The following PRDM16 variants were observed in gnomAD, a reference collection of about 807,000 sequenced individuals.
The protein encoded by PRDM16 is PR/SET domain 16, also known as histone-lysine N-methyltransferase PRDM16.
Under a neutral mutation model 110.6 loss-of-function variants are expected in PRDM16, and 23 were observed. The ratio of observed to expected loss-of-function variants is 0.21; its 90% CI spans 0.15 to 0.29. The LOEUF (loss-of-function observed/expected upper bound fraction) is 0.29. PRDM16 is among the 10% of genes least tolerant of loss of function. PRDM16 has a pLI of 1.00. For missense variants in PRDM16, 1,615 were observed against 1,794.3 expected (o/e 0.90, Z 1.81); for synonymous variants, 799 against 781.8 (o/e 1.02, Z -0.37).
rs1467018922 is a variant in PRDM16, at chr1:3,412,200, T to A, written c.2003T>A (p.Phe668Tyr). Residue 668 changes from phenylalanine (F) to tyrosine (Y), a missense_variant, in exon 9 of 17, where the codon TTC (phenylalanine) becomes TAC (tyrosine). Physicochemically the swap from Phe to Tyr is conservative, Grantham distance 22. This residue lies in a region of PRDM16 where 772 missense variants were observed against 748.3 expected (regional missense o/e 1.03). Coordinates refer to ENST00000270722, the MANE Select transcript of PRDM16 (RefSeq NM_022114.4). ...APNSVAEVPV[F>Y]YSQHSFFPPP... ...AACAGCGTGGCCGAGGTGCCTGTCT[T>A]CTATTCCCAGCACTCATTCTTCCCG... 1 of 1,601,528 alleles carries A rather than the reference T, an allele frequency of 6.2e-7. No homozygotes were observed. Among genetic ancestry groups the A allele is most frequent in the South Asian group, 1.1e-5 (1 of 90,550 alleles).
chr1:3,232,545 G>A (rs1286920532), intron 2 of PRDM16, among the ~76,000 whole-genome samples: 3 of 152,156 alleles, frequency 2.0e-5, no homozygotes, highest in Non-Finnish European at 4.4e-5. Flanking sequence ...GCAAGTTTGC[G>A]GAACTCAGAA....
chr1:3,107,929 A>G (rs1459045438), intron 1 of PRDM16, among the ~76,000 whole-genome samples: 1 of 152,196 alleles, frequency 6.6e-6, no homozygotes, highest in Non-Finnish European at 1.5e-5. Flanking sequence ...ATGCTGTGCA[A>G]CCCCTGCCGG....
At position 3,374,269 on chromosome 1, in the gene PRDM16, C is replaced by A. The variant is rs80318511; in HGVS notation, c.439-10883C>A. 3.3e-5 allele frequency among the ~76,000 whole-genome samples: 5 copies of A among 152,338 alleles called. No homozygotes were observed. In the East Asian group the frequency reaches 7.7e-4, roughly 24 times the overall value. On this transcript the variant is annotated intron_variant, in intron 3 of 16. Coordinates refer to ENST00000270722, the MANE Select transcript of PRDM16 (RefSeq NM_022114.4). ...TGCTCTGGGGTCCCCAGATCAAAGC[C>A]AGCAGAGCCAGGCAACGGCACCCAG...
intron 1 of PRDM16, among the ~76,000 whole-genome samples, chr1:3,166,251 C>T (rs1470328263): frequency 1.3e-5 from 2 of 152,246 alleles, no homozygotes; most frequent in African/African-American, 2.4e-5. Context: ...AAACAGCTCC[C>T]GAAGAGCTTT....
At chr1:3,172,055 T>C (rs1213067079) in intron 1 of PRDM16, among the ~76,000 whole-genome samples, 3 of 152,186 alleles carry the variant, frequency 2.0e-5, no homozygotes, top group Non-Finnish European at 4.4e-5. Flanking sequence ...GTCCTTATGC[T>C]GCTGTGGGCC....
chr1:3,139,097 T>C (rs777286842), intron 1 of PRDM16, among the ~76,000 whole-genome samples: 38 of 152,302 alleles, frequency 2.5e-4, no homozygotes, highest in Non-Finnish European at 4.6e-4. Context: ...CTCCATGACT[T>C]ACGCTTGTTG....
intron 4 of PRDM16, among the ~76,000 whole-genome samples, chr1:3,392,088 C>G (rs931279489): frequency 6.6e-6 from 1 of 152,322 alleles, no homozygotes; most frequent in African/African-American, 2.4e-5. Flanking sequence ...ATGCAGGGGA[C>G]GATCCTCAGC....
intron 1 of PRDM16, among the ~76,000 whole-genome samples, chr1:3,084,664 G>A (rs369571202): frequency 6.8e-4 from 104 of 152,274 alleles, no homozygotes; most frequent in African/African-American, 2.3e-3. Context: ...AATTTGAGTC[G>A]AGGCCACATC....
At chr1:3,207,913 A>T (rs561067430) in intron 2 of PRDM16, 1 of 152,428 alleles carries the variant, frequency 6.6e-6, no homozygotes, top group Admixed American at 6.5e-5. Context: ...CTGGGTCTTC[A>T]TAAAGCAGCT....
chr1:3,350,070 G>C lies in PRDM16; in HGVS notation c.439-35082G>C, dbSNP rs1316078557. ...GAAAAGACCTGGGGCCAGGTGCAGT[G>C]GCCCAAAATCCCAGCACCTTGGGAG... On this transcript the variant is annotated intron_variant, in intron 3 of 16. Transcript: ENST00000270722. The surrounding 1 kb of genome is among the most constrained non-coding windows in gnomAD (Gnocchi z 7.1). 6.6e-6 allele frequency among the ~76,000 whole-genome samples: 1 copy of C among 152,202 alleles called. No individual in the cohort carries two copies. Among genetic ancestry groups the C allele is most frequent in the Non-Finnish European group, 1.5e-5 (1 of 68,034 alleles).
At chr1:3,198,650 G>A (rs567458880) in intron 2 of PRDM16, among the ~76,000 whole-genome samples, 4 of 152,286 alleles carry the variant, frequency 2.6e-5, no homozygotes, top group African/African-American at 7.2e-5. Context: ...AGCAGCAGCC[G>A]CCCAGGAGCT....
intron 3 of PRDM16, among the ~76,000 whole-genome samples, chr1:3,282,162 G>C (rs1042299292): frequency 7.9e-5 from 12 of 152,210 alleles, no homozygotes; most frequent in African/African-American, 2.7e-4. Context: ...CCCTTCACAG[G>C]CCTGAGCAGT....
At chr1:3,186,919 C>T (rs1644275828) in intron 2 of PRDM16, among the ~76,000 whole-genome samples, 1 of 152,204 alleles carries the variant, frequency 6.6e-6, no homozygotes, top group Non-Finnish European at 1.5e-5. Flanking sequence ...TGCCGTCTTC[C>T]CCGCCTGCCC....
intron 1 of PRDM16, among the ~76,000 whole-genome samples, chr1:3,070,314 C>T (rs1243022592): frequency 2.7e-5 from 4 of 148,792 alleles, no homozygotes; most frequent in Non-Finnish European, 4.5e-5. Context: ...CACCCGCGCC[C>T]TCGCCCGCCA....
intron 3 of PRDM16, among the ~76,000 whole-genome samples, chr1:3,347,298 G>A (rs72632200): frequency 0.015 from 2,355 of 152,362 alleles, 29 homozygotes; most frequent in Non-Finnish European, 0.023. Flanking sequence ...CCCCATTCCA[G>A]AAGGAGAAAC....
chr1:3,136,122 A>AGGGGGTCTCG (rs1643433412), intron 1 of PRDM16, among the ~76,000 whole-genome samples: 1 of 152,000 alleles, frequency 6.6e-6, no homozygotes, highest in Admixed American at 6.5e-5. Context: ...CTGGGAAGAA[A>AGGGGGTCTCG]GGGGGTCTCG....
intron 3 of PRDM16, among the ~76,000 whole-genome samples, chr1:3,274,422 A>G (rs528487207): frequency 6.6e-6 from 1 of 152,338 alleles, no homozygotes; most frequent in East Asian, 1.9e-4. Context: ...GCTTGAATTA[A>G]ACCCTGAAGG....
rs9424293 is a variant in PRDM16 at position 3,359,258 on chromosome 1, C to T, written c.439-25894C>T. ...TCTCACTATGTTCCCCAGGCTTATA[C>T]ACATTTTTAAATGCAGACTTGTTGA... On this transcript the variant is annotated intron_variant, in intron 3 of 16. Transcript: ENST00000270722. The surrounding 1 kb of genome is among the most constrained non-coding windows in gnomAD (Gnocchi z 4.3). 0.2 allele frequency among the ~76,000 whole-genome samples: 30,911 copies of T among 152,112 alleles called. 3,786 individuals are homozygous for T. Among genetic ancestry groups the T allele is most frequent in the African/African-American group, 0.34 (14,202 of 41,456 alleles).
chr1:3,292,690 G>T (rs1322076959), intron 3 of PRDM16, among the ~76,000 whole-genome samples: 1 of 152,230 alleles, frequency 6.6e-6, no homozygotes, highest in Non-Finnish European at 1.5e-5. Context: ...TTCCTGTGGG[G>T]TGGAGGTTTG....
Sources: gnomAD v4.1 joint callset for allele counts (sites outside exome capture counted in the v4.1 genomes callset) on GRCh38, gnomAD v4.1.1 for gene constraint, gnomAD v4.1.1 regional missense constraint, Gnocchi (gnomAD v3.1) non-coding constraint, MANE v1.5 for transcripts, NCBI Gene and HGNC (gene_info 2026-07-23, HGNC 2026-07-21) for gene names.